Variants in PPM1H observed in about 807,000 individuals in gnomAD.
The protein encoded by PPM1H is protein phosphatase 1H.
Under a neutral mutation model 54.9 loss-of-function variants are expected in PPM1H, and 27 were observed. The ratio of observed to expected loss-of-function variants is 0.49; its 90% CI spans 0.36 to 0.68. The LOEUF (loss-of-function observed/expected upper bound fraction) is 0.68. Among genes scored for constraint, PPM1H ranks in the 30% least tolerant of loss-of-function variants. PPM1H has a pLI of 0.00. For missense variants in PPM1H, 596 were observed against 667.8 expected, an observed-to-expected ratio of 0.89 and a Z score of 1.19; for synonymous variants, 305 against 270.8, an observed-to-expected ratio of 1.13 and a Z score of -1.24.
At chr12:62,754,987 A>G (rs1457386151) in intron 4 of PPM1H, among the ~76,000 whole-genome samples, 1 of 152,194 alleles carries the variant, frequency 6.6e-6, no homozygotes, top group Non-Finnish European at 1.5e-5. Flanking sequence ...ACGCAGGTCA[A>G]TTCAGTTCTG....
At chr12:62,895,659 T>G (rs1870961270) in intron 1 of PPM1H, among the ~76,000 whole-genome samples, 1 of 151,872 alleles carries the variant, frequency 6.6e-6, no homozygotes, top group South Asian at 2.1e-4. Context: ...CTCAAGGGAG[T>G]GAGTGACTTC....
chr12:62,756,900 A>G (rs1164448476), intron 4 of PPM1H, among the ~76,000 whole-genome samples: 1 of 152,176 alleles, frequency 6.6e-6, no homozygotes, highest in African/African-American at 2.4e-5. Flanking sequence ...CTGTGATGTC[A>G]GCAAAGATTT....
At chr12:62,772,107 T>C (rs76197099) in intron 4 of PPM1H, among the ~76,000 whole-genome samples, 115 of 152,334 alleles carry the variant, frequency 7.5e-4, no homozygotes, top group African/African-American at 2.6e-3. Flanking sequence ...CCCTATACTT[T>C]TGGTGAACCC....
intron 1 of PPM1H, among the ~76,000 whole-genome samples, chr12:62,861,431 C>A (rs1187945542): frequency 1.3e-5 from 2 of 152,214 alleles, no homozygotes; most frequent in Non-Finnish European, 2.9e-5. Context: ...ATGGAGCTGA[C>A]AACAGATGAT....
chr12:62,683,032 A>ATTTT (rs201636860), intron 8 of PPM1H, among the ~76,000 whole-genome samples: 11 of 126,356 alleles, frequency 8.7e-5, no homozygotes, highest in Non-Finnish European at 1.7e-4. Context: ...AGAGTTTATT[A>ATTTT]TTTATTATTA....
intron 6 of PPM1H, among the ~76,000 whole-genome samples, chr12:62,695,395 G>A (rs1455395474): frequency 1.3e-5 from 2 of 152,148 alleles, no homozygotes; most frequent in African/African-American, 4.8e-5. Flanking sequence ...TTATTGCAAA[G>A]ATTAAAATAG....
At chr12:62,728,646 C>T (rs1355721312) in intron 5 of PPM1H, among the ~76,000 whole-genome samples, 1 of 152,182 alleles carries the variant, frequency 6.6e-6, no homozygotes, top group Non-Finnish European at 1.5e-5. Context: ...AGGTGAGCAA[C>T]CTGCACCCAA....
intron 2 of PPM1H, among the ~76,000 whole-genome samples, chr12:62,817,136 A>G (rs2076872167): frequency 1.2e-4 from 12 of 102,976 alleles, no homozygotes; most frequent in African/African-American, 7.3e-4. Context: ...AAAAAAAAAA[A>G]GAAAAAAAAA....
intron 2 of PPM1H, among the ~76,000 whole-genome samples, chr12:62,831,853 T>C (rs1868366084): frequency 6.6e-6 from 1 of 151,776 alleles, no homozygotes; most frequent in Non-Finnish European, 1.5e-5. Context: ...ATATCAATTA[T>C]TGCAACAAGA....
rs1366026554 is a variant in PPM1H, at chr12:62,648,576, T to G, written c.1458A>C (p.Gly486=). ...MRARGVLKDR[G]WRISNDRLGS... Reference sequence around the variant, plus strand: ...CCAGTCGGTCATTAGATATCCGCCATCCTCTGTCCTTCAGCACACCCCGGG... The same window carrying G: ...CCAGTCGGTCATTAGATATCCGCCAGCCTCTGTCCTTCAGCACACCCCGGG... Residue 486 remains glycine (G), a synonymous_variant, in exon 10 of 10, where the codon GGA becomes GGC. Coordinates refer to ENST00000228705, the MANE Select transcript of PPM1H (RefSeq NM_020700.2). The G allele has an allele frequency of 2.5e-6, 4 of 1,613,964 alleles. No homozygotes were observed. The highest frequency in any genetic ancestry group is 3.4e-6 in the Non-Finnish European group (4 of 1,179,892).
intron 1 of PPM1H, among the ~76,000 whole-genome samples, chr12:62,903,332 C>T (rs1285407505): frequency 6.6e-6 from 1 of 152,102 alleles, no homozygotes; most frequent in Admixed American, 6.5e-5. Context: ...AAGGAGAACA[C>T]AGAGCTTGGC....
At chr12:62,746,836 T>C (rs369411606) in intron 4 of PPM1H, among the ~76,000 whole-genome samples, 1 of 152,226 alleles carries the variant, frequency 6.6e-6, no homozygotes, top group African/African-American at 2.4e-5. Context: ...CCCCCCCACT[T>C]CTAAATTTCC....
intron 3 of PPM1H, among the ~76,000 whole-genome samples, chr12:62,793,740 CAAAAAAAAAA>C (rs34457644): frequency 0.037 from 2,289 of 61,272 alleles, 87 homozygotes; most frequent in African/African-American, 0.12. Context: ...AACTCCGTTT[CAAAAAAAAAA>C]AAAAAAAAAA....
At chr12:62,916,247 G>A (rs933889623) in intron 1 of PPM1H, among the ~76,000 whole-genome samples, 8 of 152,170 alleles carry the variant, frequency 5.3e-5, no homozygotes, top group African/African-American at 9.7e-5. Context: ...TCTGTCAACC[G>A]AGCTGAAATA....
intron 6 of PPM1H, among the ~76,000 whole-genome samples, chr12:62,694,631 G>C (rs776438585): frequency 2.0e-4 from 31 of 152,210 alleles, no homozygotes; most frequent in Non-Finnish European, 3.1e-4. Context: ...TAAGATGAAA[G>C]GGACAGAGCT....
intron 2 of PPM1H, among the ~76,000 whole-genome samples, chr12:62,830,153 G>A (rs1868334854): frequency 6.6e-6 from 1 of 152,194 alleles, no homozygotes; most frequent in African/African-American, 2.4e-5. Context: ...TAAGACACAT[G>A]CTCAACATTT....
chr12:62,677,471 G>T (rs1465399202), intron 8 of PPM1H, among the ~76,000 whole-genome samples: 1 of 152,192 alleles, frequency 6.6e-6, no homozygotes, highest in Non-Finnish European at 1.5e-5. Flanking sequence ...ACAGTTCCTG[G>T]TACCTCCAAG....
intron 6 of PPM1H, among the ~76,000 whole-genome samples, chr12:62,717,844 G>C (rs2076243927): frequency 6.6e-6 from 1 of 152,168 alleles, no homozygotes; most frequent in South Asian, 2.1e-4. Flanking sequence ...CTCATTAGGA[G>C]TGCTTTTCAA....
intron 5 of PPM1H, among the ~76,000 whole-genome samples, chr12:62,731,363 C>A (rs937398929): frequency 2.0e-5 from 3 of 152,154 alleles, no homozygotes; most frequent in Non-Finnish European, 4.4e-5. Flanking sequence ...GCTTTAGCCA[C>A]CTGCTCTCAA....
Sources: allele counts gnomAD v4.1 joint callset (sites outside exome capture counted in the v4.1 genomes callset), GRCh38; gene constraint gnomAD v4.1.1; transcripts MANE v1.5; gene names NCBI Gene and HGNC (gene_info 2026-07-23, HGNC 2026-07-21).